B3GAT2: variants seen among roughly 807,000 people sequenced by gnomAD.
B3GAT2 encodes the protein beta-1,3-glucuronyltransferase 2, also known as galactosylgalactosylxylosylprotein 3-beta-glucuronosyltransferase 2.
B3GAT2 carries 26 observed loss-of-function variants against 27.8 expected under a neutral mutation model. That is an observed-to-expected ratio of 0.93 (90% CI 0.68 to 1.30). The LOEUF (loss-of-function observed/expected upper bound fraction) is 1.30, where lower values mean the gene tolerates loss of function less well. Among genes scored for constraint, B3GAT2 ranks in the 50% most tolerant of loss-of-function variants. B3GAT2 has a pLI of 0.00. For missense variants in B3GAT2, 458 were observed against 459.0 expected (o/e 1.00, Z 0.02); for synonymous variants, 218 against 195.1 (o/e 1.12, Z -0.98).
chr6:70,942,318 T>C (rs1246198305), intron 1 of B3GAT2, among the ~76,000 whole-genome samples: 1 of 152,120 alleles, frequency 6.6e-6, no homozygotes, highest in Non-Finnish European at 1.5e-5. Context: ...CACTTTGACA[T>C]GCAGAAGATG....
intron 2 of B3GAT2, among the ~76,000 whole-genome samples, chr6:70,879,622 G>A (rs1381809312): frequency 6.6e-6 from 1 of 152,160 alleles, no homozygotes; most frequent in Non-Finnish European, 1.5e-5. Flanking sequence ...GCTTGTCAGG[G>A]AGGTGGAATG....
At chr6:70,913,630 G>A (rs1192960284) in intron 1 of B3GAT2, among the ~76,000 whole-genome samples, 2 of 152,196 alleles carry the variant, frequency 1.3e-5, no homozygotes, top group African/African-American at 2.4e-5. Flanking sequence ...TTGTGTGGTC[G>A]ACTTTAGAGT....
rs952601727 is a variant in B3GAT2 at position 70,857,808 on chromosome 6, G to A, written c.*3855C>T. On this transcript the variant is annotated 3_prime_UTR_variant, in exon 4 of 4. Coordinates refer to ENST00000230053, the MANE Select transcript of B3GAT2 (RefSeq NM_080742.3). ...CTGAGTAGTAGGAGCAGCCAAACTG[G>A]AATTAAAATGTTTGCTGTGAGTAGT... The A allele has an allele frequency of 5.9e-6, 7 of 1,188,044 alleles. No individual in the cohort carries two copies. The highest frequency in any genetic ancestry group is 8.2e-6 in the Non-Finnish European group (7 of 851,248). 73.6% of individuals were successfully genotyped at this position (1,188,044 alleles called of 1,614,324 possible).
chr6:70,927,924 A>G (rs1437776296), intron 1 of B3GAT2, among the ~76,000 whole-genome samples: 5 of 152,170 alleles, frequency 3.3e-5, no homozygotes, highest in African/African-American at 9.7e-5. Context: ...AAAATTAACC[A>G]CTTAGTTGGA....
At chr6:70,946,700 G>A (rs1244196735) in intron 1 of B3GAT2, among the ~76,000 whole-genome samples, 1 of 152,080 alleles carries the variant, frequency 6.6e-6, no homozygotes, top group African/African-American at 2.4e-5. Context: ...AGGATACACA[G>A]GAATTGAACT....
intron 1 of B3GAT2, among the ~76,000 whole-genome samples, chr6:70,907,583 T>C (rs1052362311): frequency 1.3e-5 from 2 of 152,190 alleles, no homozygotes; most frequent in African/African-American, 4.8e-5. Context: ...TCTGCATCCT[T>C]TGCAGTTAGG....
Position 70,861,540 on chromosome 6 carries a change from C to T in B3GAT2, c.*123G>A, listed in dbSNP as rs1771727566. ...ATTTAAACAGATGTCCATCAGATGA[C>T]AAGAAAGGCTGCTGTACTGAAGTAA... On this transcript the variant is annotated 3_prime_UTR_variant, in exon 4 of 4. Coordinates refer to ENST00000230053, the MANE Select transcript of B3GAT2 (RefSeq NM_080742.3). The T allele has an allele frequency of 1.2e-6, 1 of 804,030 alleles. No homozygotes were observed. Among genetic ancestry groups the T allele is most frequent in the Non-Finnish European group, 2.0e-6 (1 of 498,958 alleles). The allele number at this position is 804,030 out of a possible 1,614,324, so 49.8% of individuals were successfully genotyped here. A position where few individuals can be genotyped will look rare whatever the true frequency, so the allele number is the denominator to read the frequency against.
At chr6:70,930,588 CTCA>C (rs1349843351) in intron 1 of B3GAT2, among the ~76,000 whole-genome samples, 3 of 152,202 alleles carry the variant, frequency 2.0e-5, no homozygotes, top group East Asian at 3.8e-4. Context: ...CGAAAAAATG[CTCA>C]TCATCACCGG....
In B3GAT2 at chr6:70,857,669, T is replaced by C. The variant is rs893477798; in HGVS notation, c.*3994A>G. 3.7e-5 allele frequency: 18 copies of C among 488,164 alleles called. No homozygotes were observed. The highest frequency in any genetic ancestry group is 5.9e-5 in the Non-Finnish European group (16 of 270,252). The allele number at this position is 488,164 out of a possible 1,614,324, so 30.2% of individuals were successfully genotyped here. ...GTTTGGTCTTCACAGTGGAAGATATTTTGTGTGGCTGTTGCATATGATTTA... is the reference window on the plus strand; with the variant it reads ...GTTTGGTCTTCACAGTGGAAGATATCTTGTGTGGCTGTTGCATATGATTTA... On this transcript the variant is annotated 3_prime_UTR_variant, in exon 4 of 4. Coordinates refer to ENST00000230053, the MANE Select transcript of B3GAT2 (RefSeq NM_080742.3).
chr6:70,917,494 G>A (rs187481195), intron 1 of B3GAT2, among the ~76,000 whole-genome samples: 11 of 152,216 alleles, frequency 7.2e-5, no homozygotes, highest in Admixed American at 6.5e-4. Context: ...ATGTTAGGGT[G>A]TCGATTTTAG....
chr6:70,944,733 C>T (rs528033513), intron 1 of B3GAT2, among the ~76,000 whole-genome samples: 6 of 152,248 alleles, frequency 3.9e-5, no homozygotes, highest in East Asian at 1.9e-4. Flanking sequence ...TCTCCCAGCA[C>T]GCAGCTGGAG....
chr6:70,956,445 G>A lies in B3GAT2; in HGVS notation c.-16C>T. On this transcript the variant is annotated 5_prime_UTR_variant, in exon 1 of 4. Coordinates refer to ENST00000230053, the MANE Select transcript of B3GAT2 (RefSeq NM_080742.3). ...CGGACTTCATGGTGCACGCTCCCTG[G>A]CCTCTCGGACACCCCAGAGAGGGGC... The A allele has an allele frequency of 6.4e-7, 1 of 1,550,486 alleles. No homozygotes were observed. The highest frequency in any genetic ancestry group is 8.7e-7 in the Non-Finnish European group (1 of 1,146,722).
intron 2 of B3GAT2, among the ~76,000 whole-genome samples, chr6:70,881,691 T>G (rs1216578470): frequency 6.6e-6 from 1 of 152,092 alleles, no homozygotes; most frequent in African/African-American, 2.4e-5. Flanking sequence ...GTGGGGGCAT[T>G]CTCTGCCATG....
At chr6:70,900,409 CTTT>C (rs56143825) in intron 1 of B3GAT2, among the ~76,000 whole-genome samples, 15 of 146,288 alleles carry the variant, frequency 1.0e-4, no homozygotes, top group Non-Finnish European at 1.8e-4. Flanking sequence ...ACAACCGGCT[CTTT>C]TTTTTTTTTT....
chr6:70,934,074 A>G (rs1225130315), intron 1 of B3GAT2, among the ~76,000 whole-genome samples: 2 of 152,178 alleles, frequency 1.3e-5, no homozygotes, highest in Admixed American at 1.3e-4. Context: ...AAAAAGCACT[A>G]GTCAGTTCCC....
At chr6:70,919,932 C>T (rs1041731422) in intron 1 of B3GAT2, among the ~76,000 whole-genome samples, 15 of 152,176 alleles carry the variant, frequency 9.9e-5, no homozygotes, top group African/African-American at 3.6e-4. Flanking sequence ...CTGCTTTCTT[C>T]AGAGCTGTCA....
chr6:70,928,426 T>C (rs1293722993), intron 1 of B3GAT2, among the ~76,000 whole-genome samples: 2 of 150,828 alleles, frequency 1.3e-5, no homozygotes, highest in Admixed American at 6.6e-5. Context: ...ATCAACAAAA[T>C]TGATAGACCA....
intron 1 of B3GAT2, among the ~76,000 whole-genome samples, chr6:70,954,923 G>T (rs527992534): frequency 6.6e-5 from 10 of 151,336 alleles, no homozygotes; most frequent in Admixed American, 6.6e-5. Flanking sequence ...GGCGGGGGGG[G>T]GCGGTGCGCG....
intron 2 of B3GAT2, among the ~76,000 whole-genome samples, chr6:70,870,347 C>T (rs970000883): frequency 7.4e-6 from 1 of 134,734 alleles, no homozygotes; most frequent in African/African-American, 2.9e-5. Flanking sequence ...ACGATGAGAA[C>T]ACATGGACAC....
Sources: allele counts gnomAD v4.1 joint callset (sites outside exome capture counted in the v4.1 genomes callset), GRCh38; gene constraint gnomAD v4.1.1; transcripts MANE v1.5; gene names NCBI Gene and HGNC (gene_info 2026-07-23, HGNC 2026-07-21).